Variants in DIPK1A observed in about 807,000 individuals in gnomAD.
DIPK1A encodes the protein divergent protein kinase domain 1A, also known as family with sequence similarity 69 member A.
Under a neutral mutation model 40.8 loss-of-function variants are expected in DIPK1A, and 27 were observed. That is an observed-to-expected ratio of 0.66 (90% CI 0.49 to 0.91). The LOEUF (loss-of-function observed/expected upper bound fraction) is 0.91. DIPK1A is among the 40% of genes least tolerant of loss of function. The pLI is 0.00. For missense variants in DIPK1A, 412 were observed against 505.7 expected (o/e 0.81, Z 1.78); for synonymous variants, 166 against 171.3 (o/e 0.97, Z 0.24).
downstream of DIPK1A, chr1:92,840,817 A>C (rs777175835): frequency 1.4e-6 from 1 of 722,100 alleles, no homozygotes; most frequent in South Asian, 1.4e-5. Context: ...AGCCTCAGAC[A>C]CTACTGAGGT....
At chr1:92,838,700 T>C, downstream of DIPK1A, among the ~76,000 whole-genome samples, 1 of 152,240 alleles carries the variant, frequency 6.6e-6, no homozygotes, top group Admixed American at 6.5e-5. Flanking sequence ...ATTATCTACA[T>C]GTCTGCTTGT....
chr1:92,878,746 G>C (rs1306096638), intron 1 of DIPK1A, among the ~76,000 whole-genome samples: 1 of 152,026 alleles, frequency 6.6e-6, no homozygotes, highest in Non-Finnish European at 1.5e-5. Flanking sequence ...CGTGAACCCC[G>C]GGGGGCGGAG....
intron 2 of DIPK1A, among the ~76,000 whole-genome samples, chr1:92,875,771 T>A (rs1251481906): frequency 1.3e-5 from 2 of 151,566 alleles, no homozygotes; most frequent in African/African-American, 4.8e-5. Flanking sequence ...TAAATTTACT[T>A]GAAATTCTCA....
chr1:92,873,239 C>A (rs1647958131), intron 2 of DIPK1A, among the ~76,000 whole-genome samples: 1 of 152,078 alleles, frequency 6.6e-6, no homozygotes, highest in South Asian at 2.1e-4. Flanking sequence ...TTACCCTAGC[C>A]CCTTAAGACT....
rs143467201 is a variant in DIPK1A, at chr1:92,956,248, G to C, written c.54+5128C>G. ...ACTACAGTGAAGAAACACTTTTACTGTATGGTCCAGTTTGAAAGAAATGTG... is the reference window on the plus strand; with the variant it reads ...ACTACAGTGAAGAAACACTTTTACTCTATGGTCCAGTTTGAAAGAAATGTG... On this transcript the variant is annotated intron_variant, in intron 1 of 4. Coordinates refer to ENST00000370310, the MANE Select transcript of DIPK1A (RefSeq NM_001006605.5). Among the ~76,000 whole-genome samples, 423 of 152,236 alleles carry C rather than the reference G, an allele frequency of 2.8e-3. 2 individuals carry two copies. Among genetic ancestry groups the C allele is most frequent in the African/African-American group, 9.4e-3 (389 of 41,548 alleles).
intron 2 of DIPK1A, among the ~76,000 whole-genome samples, chr1:92,861,683 T>A (rs1219194417): frequency 6.6e-6 from 1 of 152,128 alleles, no homozygotes; most frequent in Non-Finnish European, 1.5e-5. Context: ...GTCCTTATAT[T>A]ATTTAACCTC....
At chr1:92,852,030 C>A (rs1687841573) in intron 2 of DIPK1A, among the ~76,000 whole-genome samples, 1 of 152,198 alleles carries the variant, frequency 6.6e-6, no homozygotes, top group Admixed American at 6.5e-5. Flanking sequence ...GGGCCAGAAG[C>A]AGCTTCACTA....
chr1:92,843,201 CT>C lies in DIPK1A; in HGVS notation c.*181del. ...GCTTCTAAAAGGGCAGGAATGACAT[CT>C]TGGGGACCTGTTGATCCTACACCTG... On this transcript the variant is annotated 3_prime_UTR_variant, in exon 5 of 5. Transcript: ENST00000370310. 1 of 1,375,298 alleles carries C rather than the reference CT, an allele frequency of 7.3e-7. No homozygotes were observed. 85.2% of individuals were successfully genotyped at this position (1,375,298 alleles called of 1,614,324 possible). A position where few individuals can be genotyped will look rare whatever the true frequency, so the allele number is the denominator to read the frequency against.
intron 1 of DIPK1A, among the ~76,000 whole-genome samples, chr1:92,906,701 G>A (rs1649637797): frequency 1.3e-5 from 2 of 152,106 alleles, no homozygotes; most frequent in Admixed American, 1.3e-4. Context: ...CAGTATGTGG[G>A]GCCTGGTAGT....
At chr1:92,834,676 C>A in intron 4 of DIPK1A, 2 of 1,469,792 alleles carry the variant, frequency 1.4e-6, no homozygotes, top group Non-Finnish European at 1.9e-6. Flanking sequence ...AAGTGATGTT[C>A]ATCTGTGTCC....
intron 1 of DIPK1A, among the ~76,000 whole-genome samples, chr1:92,924,741 ATCT>A (rs1308531411): frequency 1.3e-5 from 2 of 152,182 alleles, no homozygotes; most frequent in Non-Finnish European, 2.9e-5. Context: ...AGTCCAGCAA[ATCT>A]TCTGTCGGCA....
In DIPK1A at chr1:92,843,957, C is replaced by A. The variant is rs2100706823; in HGVS notation, c.713G>T (p.Gly238Val). 6.4e-7 allele frequency: 1 copy of A among 1,551,878 alleles called. No homozygotes were observed. Among genetic ancestry groups the A allele is most frequent in the East Asian group, 2.4e-5 (1 of 40,922 alleles). ...TTCAATGACCCAAGGAAGGCTTATTCCATAAAGAGAGGTATATTCAACACT... is the reference window on the plus strand; with the variant it reads ...TTCAATGACCCAAGGAAGGCTTATTACATAAAGAGAGGTATATTCAACACT... ...MESVEYTSLY[G>V]ISLPWVIELF... is the part of the protein sequence containing the mutation. Residue 238 changes from glycine (G) to valine (V), a missense_variant, in exon 5 of 5, where the codon GGA becomes GTA. Physicochemically the swap from Gly to Val is moderately radical, Grantham distance 109. Coordinates refer to ENST00000370310, the MANE Select transcript of DIPK1A (RefSeq NM_001006605.5).
chr1:92,890,338 A>G (rs1049851905), intron 1 of DIPK1A, among the ~76,000 whole-genome samples: 3 of 152,098 alleles, frequency 2.0e-5, no homozygotes, highest in Non-Finnish European at 2.9e-5. Context: ...TCTAGCTAGG[A>G]CTTCCAGTAC....
downstream of DIPK1A, chr1:92,841,747 A>G: frequency 6.5e-7 from 1 of 1,543,156 alleles, no homozygotes; most frequent in Non-Finnish European, 8.9e-7. Flanking sequence ...TAAAAAATAT[A>G]TATTCCTATC....
At chr1:92,896,192 G>A (rs1003368544) in intron 1 of DIPK1A, among the ~76,000 whole-genome samples, 4 of 152,126 alleles carry the variant, frequency 2.6e-5, no homozygotes, top group Admixed American at 1.3e-4. Flanking sequence ...AGCCCGCATT[G>A]CCAAGTCAAT....
chr1:92,833,343 A>C (rs750956864), intron 4 of DIPK1A: 2 of 1,451,406 alleles, frequency 1.4e-6, no homozygotes, highest in African/African-American at 2.8e-5. Flanking sequence ...CAAAAGTATC[A>C]TAGGCTAAGA....
intron 1 of DIPK1A, among the ~76,000 whole-genome samples, chr1:92,943,490 T>G (rs1366715648): frequency 6.6e-6 from 1 of 152,174 alleles, no homozygotes. Context: ...GATCTGTACC[T>G]GGAACTGCAC....
chr1:92,870,801 G>C (rs892656696), intron 2 of DIPK1A, among the ~76,000 whole-genome samples: 1 of 152,192 alleles, frequency 6.6e-6, no homozygotes, highest in African/African-American at 2.4e-5. Context: ...GGCATGGATC[G>C]GGGTAAAGGT....
chr1:92,908,646 G>A (rs547597302), intron 1 of DIPK1A, among the ~76,000 whole-genome samples: 1 of 152,290 alleles, frequency 6.6e-6, no homozygotes, highest in East Asian at 1.9e-4. Flanking sequence ...GGGGAGGACA[G>A]ACATAGAGCA....
Sources: gnomAD v4.1 joint callset for allele counts (sites outside exome capture counted in the v4.1 genomes callset) on GRCh38, gnomAD v4.1.1 for gene constraint, MANE v1.5 for transcripts, NCBI Gene and HGNC (gene_info 2026-07-23, HGNC 2026-07-21) for gene names.